JUP: variants seen among roughly 807,000 people sequenced by gnomAD.
JUP encodes the protein catenin (cadherin-associated protein), gamma 80kDa.
Under a neutral mutation model 71.1 loss-of-function variants are expected in JUP, and 28 were observed. The observed-to-expected ratio is 0.39, with a 90% CI of 0.29 to 0.54. The LOEUF (loss-of-function observed/expected upper bound fraction) is 0.54. JUP is among the 20% of genes least tolerant of loss of function. The probability of loss-of-function intolerance (pLI) is 0.62; values close to 1 mark genes in which losing one functional copy is unlikely to be tolerated. For synonymous variants in JUP, 401 were observed against 438.9 expected (o/e 0.91, Z 1.08); for missense variants, 869 against 1,030.1 (o/e 0.84, Z 2.14).
intron 1 of JUP, among the ~76,000 whole-genome samples, chr17:41,775,020 T>C (rs747219359): frequency 3.3e-5 from 5 of 151,856 alleles, no homozygotes; most frequent in Non-Finnish European, 5.9e-5. Flanking sequence ...GGAGAATTGC[T>C]TAAACCAGGG....
At chr17:41,771,896 A>C in intron 1 of JUP, 34 bp from the exon 2 acceptor site, 1 of 1,549,380 alleles carries the variant, frequency 6.5e-7, no homozygotes, top group East Asian at 2.4e-5. Context: ...AGGAAGCAGG[A>C]AGTCACCTGG....
intron 5 of JUP, among the ~76,000 whole-genome samples, 198 bp from the exon 6 acceptor site, chr17:41,765,265 G>A (rs1915526857): frequency 6.6e-6 from 1 of 152,056 alleles, no homozygotes; most frequent in Non-Finnish European, 1.5e-5. Flanking sequence ...AGAACTCCTG[G>A]CCTCAAGTGA....
chr17:41,779,665 T>A (rs990501612), intron 1 of JUP, among the ~76,000 whole-genome samples: 4 of 151,780 alleles, frequency 2.6e-5, no homozygotes, highest in African/African-American at 7.3e-5. Context: ...TTACTTTTTT[T>A]ATTTTCTTTC....
intron 2 of JUP, among the ~76,000 whole-genome samples, chr17:41,769,997 G>A (rs1200903207): frequency 3.3e-5 from 5 of 150,834 alleles, no homozygotes; most frequent in African/African-American, 1.2e-4. Context: ...CAACGACCCT[G>A]CAAGGTAAGT....
intron 12 of JUP, among the ~76,000 whole-genome samples, chr17:41,756,768 C>G (rs148143662): frequency 6.6e-6 from 1 of 150,442 alleles, no homozygotes; most frequent in African/African-American, 2.5e-5. Context: ...GGTGTGGTAG[C>G]GTGCACCTGT....
intron 8 of JUP, among the ~76,000 whole-genome samples, chr17:41,762,631 C>T (rs1915084609): frequency 6.6e-6 from 1 of 152,084 alleles, no homozygotes; most frequent in African/African-American, 2.4e-5. Context: ...AAATTCCTGG[C>T]CTCAAGCAAT....
At chr17:41,772,630 C>T (rs945365293) in intron 1 of JUP, among the ~76,000 whole-genome samples, 9 of 152,262 alleles carry the variant, frequency 5.9e-5, no homozygotes, top group Admixed American at 2.6e-4. Context: ...GAGGTGGTTG[C>T]GAGGACCTGG....
intron 1 of JUP, among the ~76,000 whole-genome samples, chr17:41,785,328 C>A (rs1555611496): frequency 6.6e-6 from 1 of 152,064 alleles, no homozygotes; most frequent in Non-Finnish European, 1.5e-5. Flanking sequence ...GCCCCACCCC[C>A]ATTCCTGGGG....
intron 1 of JUP, among the ~76,000 whole-genome samples, chr17:41,777,816 G>T (rs565935603): frequency 6.6e-6 from 1 of 152,222 alleles, no homozygotes; most frequent in Non-Finnish European, 1.5e-5. Flanking sequence ...GGATTTGTAG[G>T]AGAGGGAATT....
intron 11 of JUP, 36 bp downstream of exon 11, chr17:41,757,598 G>T (rs374101324): frequency 1.2e-6 from 2 of 1,614,008 alleles, no homozygotes; most frequent in Non-Finnish European, 1.7e-6. Context: ...GTGGCTGGGG[G>T]AGTGGGACCC....
intron 9 of JUP, 58 bp from the exon 10 acceptor site, chr17:41,758,576 T>TC: frequency 1.3e-6 from 2 of 1,590,390 alleles, no homozygotes; most frequent in Non-Finnish European, 8.6e-7. Flanking sequence ...CCACAACTCC[T>TC]CCCCATGACA....
chr17:41,756,873 C>G (rs984444584), intron 12 of JUP, among the ~76,000 whole-genome samples: 1 of 152,124 alleles, frequency 6.6e-6, no homozygotes, highest in Non-Finnish European at 1.5e-5. Context: ...GCACTCCAGC[C>G]TGGCGACAGA....
intron 1 of JUP, among the ~76,000 whole-genome samples, chr17:41,778,333 G>A (rs1341545855): frequency 6.6e-6 from 1 of 152,178 alleles, no homozygotes; most frequent in Non-Finnish European, 1.5e-5. Context: ...AGGAGGCCAA[G>A]GCAGGTGAAT....
Position 41,756,211 on chromosome 17 carries a change from G to C in JUP, c.2050C>G (p.Gln684Glu). Residue 684 changes from glutamine to glutamate, a missense_variant, in exon 13 of 14, where the codon CAG becomes GAG. Transcript: ENST00000393931. The stretch of plus-strand genomic sequence containing the variant: ...GGCTCATTGATGGGAATCATGCTCT[G>C]GGCCTGAAAAAGGAGAGAGAAACAT... ...KHDPAAWEAA[Q>E]SMIPINEPYG... 2.5e-6 allele frequency: 4 copies of C among 1,613,900 alleles called. No individual in the cohort carries two copies. The highest frequency in any genetic ancestry group is 3.4e-6 in the Non-Finnish European group (4 of 1,179,890).
intron 1 of JUP, among the ~76,000 whole-genome samples, chr17:41,774,159 C>A (rs1256687135): frequency 6.6e-6 from 1 of 151,878 alleles, no homozygotes; most frequent in Non-Finnish European, 1.5e-5. Flanking sequence ...CCCCACCAGC[C>A]CAGGTCAACC....
chr17:41,777,082 G>A (rs1465495304), intron 1 of JUP, among the ~76,000 whole-genome samples: 2 of 152,246 alleles, frequency 1.3e-5, no homozygotes, highest in Non-Finnish European at 2.9e-5. Context: ...GTGGATGGCA[G>A]TCTGTCTGGG....
intron 8 of JUP, among the ~76,000 whole-genome samples, chr17:41,761,481 A>T (rs1555601200): frequency 6.6e-6 from 1 of 152,146 alleles, no homozygotes; most frequent in African/African-American, 2.4e-5. Context: ...GGCATAAGAA[A>T]TGTGCTCCAT....
chr17:41,767,470 A>G lies in JUP; in HGVS notation c.818T>C (p.Met273Thr), dbSNP rs782091454. Residue 273 changes from methionine to threonine, a missense_variant, in exon 5 of 14, where the codon ATG becomes ACG. By Grantham distance (81) the Met-to-Thr change is moderately conservative. Coordinates refer to ENST00000393931, the MANE Select transcript of JUP (RefSeq NM_002230.4). ...AVRLADGLQKMVPLLNKNNPK... is the reference protein window; with the variant it reads ...AVRLADGLQKTVPLLNKNNPK... ...GTTGTTCTTGTTGAGCAGGGGCACC[A>G]TCTTTTGCAGCCCGTCGGCCAGGCG... 8.7e-6 allele frequency: 14 copies of G among 1,613,882 alleles called. No homozygotes were observed. The highest frequency in any genetic ancestry group is 1.7e-5 in the Admixed American group (1 of 59,986).
chr17:41,785,744 A>G (rs1555611599), intron 1 of JUP, among the ~76,000 whole-genome samples: 2 of 152,096 alleles, frequency 1.3e-5, no homozygotes. Context: ...TCCCCTACCA[A>G]CACTCTGGCA....
Sources: allele counts gnomAD v4.1 joint callset (sites outside exome capture counted in the v4.1 genomes callset), GRCh38; gene constraint gnomAD v4.1.1; transcripts MANE v1.5; gene names NCBI Gene and HGNC (gene_info 2026-07-23, HGNC 2026-07-21).